The following SMYD4 variants were observed in gnomAD, a reference collection of about 807,000 sequenced individuals.
SMYD4 encodes the protein protein-lysine N-methyltransferase SMYD4.
In SMYD4, 68 loss-of-function variants were observed where a neutral mutation model predicts 72.8. That is an observed-to-expected ratio of 0.93 (90% CI 0.77 to 1.14). SMYD4 has a LOEUF of 1.14. SMYD4 is among the 50% of genes most tolerant of loss of function. SMYD4 has a pLI of 0.00. For missense variants in SMYD4, 984 were observed against 1,003.7 expected (o/e 0.98, Z 0.27); for synonymous variants, 407 against 388.6 (o/e 1.05, Z -0.56).
chr17:1,779,499 CAAAA>C lies in SMYD4; in HGVS notation c.*1783_*1786del, dbSNP rs1567760605. 13 of 152,872 alleles carry C rather than the reference CAAAA, an allele frequency of 8.5e-5. No individual in the cohort carries two copies. Among genetic ancestry groups the C allele is most frequent in the South Asian group, 2.1e-4 (1 of 4,840 alleles). The allele number at this position is 152,872 out of a possible 1,614,324, so 9.5% of individuals were successfully genotyped here. On this transcript the variant is annotated 3_prime_UTR_variant, in exon 11 of 11. Transcript: ENST00000305513. ...ATCTCAAAAACAAAACAAAACAAAA[CAAAA>C]CAAAACAAAACCAACAACTCAGAAG...
chr17:1,795,039 G>A (rs1326099071), intron 5 of SMYD4, among the ~76,000 whole-genome samples: 2 of 152,070 alleles, frequency 1.3e-5, no homozygotes, highest in Non-Finnish European at 2.9e-5. Flanking sequence ...TTTATCCAGG[G>A]TTTCTACATC....
intron 5 of SMYD4, among the ~76,000 whole-genome samples, chr17:1,794,037 G>A (rs56992419): frequency 0.061 from 3,023 of 49,336 alleles, 142 homozygotes; most frequent in African/African-American, 0.11. Flanking sequence ...ATATATATAT[G>A]TATGTATATA....
Position 1,824,545 on chromosome 17 carries a change from T to C in SMYD4, c.134+3316A>G, listed in dbSNP as rs558732756. Among the ~76,000 whole-genome samples, 302 of 152,250 alleles carry C rather than the reference T, an allele frequency of 2.0e-3. 2 individuals carry two copies. The highest frequency in any genetic ancestry group is 6.6e-3 in the African/African-American group (273 of 41,554). ...AGGGACCTGATGGGAGGTAACAGAA[T>C]CGTGGGAGTGGTTTCCCCATGCTGT... On this transcript the variant is annotated intron_variant, in intron 2 of 10. Coordinates refer to ENST00000305513, the MANE Select transcript of SMYD4 (RefSeq NM_052928.3).
intron 5 of SMYD4, among the ~76,000 whole-genome samples, 171 bp downstream of exon 5, chr17:1,799,686 T>A (rs964408371): frequency 1.3e-5 from 2 of 152,094 alleles, no homozygotes; most frequent in African/African-American, 4.8e-5. Flanking sequence ...ATCAAATAAT[T>A]TAAGGTCATA....
In SMYD4 at chr17:1,783,368, G is replaced by C. The variant is rs752754609; in HGVS notation, c.2129C>G (p.Ala710Gly). Residue 710 changes from alanine to glycine, a missense_variant, in exon 9 of 11, where the codon GCT (alanine) becomes GGT (glycine). Physicochemically the swap from Ala to Gly is moderately conservative, Grantham distance 60 (BLOSUM62 0). Coordinates refer to ENST00000305513, the MANE Select transcript of SMYD4 (RefSeq NM_052928.3). ...GAAGGCTCATGCTGTACCTAAGGCA[G>C]CACAGGCCCGGGCCAGGCCATCCGC... is the stretch of plus-strand genomic sequence containing the variant. The part of the protein sequence containing the change: ...EIADGLARAC[A>G]ALGDWQKSAT... 6.2e-7 allele frequency: 1 copy of C among 1,612,324 alleles called. No individual in the cohort carries two copies. The highest frequency in any genetic ancestry group is 1.7e-5 in the Admixed American group (1 of 60,026).
chr17:1,806,071 C>A (rs945804461), intron 3 of SMYD4, among the ~76,000 whole-genome samples: 1 of 151,658 alleles, frequency 6.6e-6, no homozygotes, highest in Non-Finnish European at 1.5e-5. Flanking sequence ...ACTACAGGCG[C>A]CCGCCACCAC....
rs372533255 is a variant in SMYD4, at chr17:1,788,541, C to T, written c.1538-937G>A. Among the ~76,000 whole-genome samples the T allele has an allele frequency of 2.6e-4, 40 of 151,590 alleles. No individual in the cohort carries two copies. In the South Asian group the frequency reaches 6.7e-3, roughly 25 times the overall value. On this transcript the variant is annotated intron_variant, in intron 5 of 10. Transcript: ENST00000305513. ...CGGGCAGATCACAAGGTCAGGAGAT[C>T]GAGACCATCCTGACTAACACGGTGA...
chr17:1,824,080 C>T (rs985893976), intron 2 of SMYD4, among the ~76,000 whole-genome samples: 18 of 152,266 alleles, frequency 1.2e-4, no homozygotes, highest in Admixed American at 7.8e-4. Flanking sequence ...GGGTGGCTCA[C>T]GCCTGTAATT....
chr17:1,789,748 G>A (rs1304443795), intron 5 of SMYD4, among the ~76,000 whole-genome samples: 1 of 104,740 alleles, frequency 9.5e-6, no homozygotes, highest in Non-Finnish European at 2.1e-5. Context: ...CTGGGTGAAA[G>A]AGCGAGACTC....
At chr17:1,803,214 G>A (rs1485114760) in intron 4 of SMYD4, among the ~76,000 whole-genome samples, 1 of 152,180 alleles carries the variant, frequency 6.6e-6, no homozygotes, top group African/African-American at 2.4e-5. Context: ...GCAACAATTA[G>A]GGGATGAGAA....
intron 2 of SMYD4, among the ~76,000 whole-genome samples, chr17:1,817,660 TAC>T (rs1910682466): frequency 6.6e-6 from 1 of 152,200 alleles, no homozygotes. Flanking sequence ...TTTGATAAAG[TAC>T]AGTTTATTTT....
intron 2 of SMYD4, among the ~76,000 whole-genome samples, chr17:1,821,885 C>T (rs201318249): frequency 2.0e-5 from 3 of 151,082 alleles, no homozygotes; most frequent in Non-Finnish European, 4.4e-5. Flanking sequence ...GAGCCCAGAT[C>T]GTGCCATTGC....
chr17:1,823,966 G>A (rs1911028345), intron 2 of SMYD4, among the ~76,000 whole-genome samples: 1 of 152,156 alleles, frequency 6.6e-6, no homozygotes, highest in Non-Finnish European at 1.5e-5. Context: ...TCTCCCTTCA[G>A]ATAGCCTAGT....
At chr17:1,804,485 A>T in intron 4 of SMYD4, 141 bp downstream of exon 4, 1 of 735,984 alleles carries the variant, frequency 1.4e-6, no homozygotes, top group Non-Finnish European at 2.2e-6. Flanking sequence ...CTTTAGGTAG[A>T]TATTAATGTG....
At chr17:1,813,017 C>T (rs1910416643) in intron 2 of SMYD4, among the ~76,000 whole-genome samples, 1 of 151,720 alleles carries the variant, frequency 6.6e-6, no homozygotes, top group Non-Finnish European at 1.5e-5. Context: ...CAGCTCACTG[C>T]AAACTCTGTC....
intron 5 of SMYD4, among the ~76,000 whole-genome samples, chr17:1,797,739 C>T (rs1252945744): frequency 6.6e-6 from 1 of 152,152 alleles, no homozygotes; most frequent in Non-Finnish European, 1.5e-5. Context: ...CGGTGGCTCA[C>T]GCCTGTAATC....
chr17:1,810,663 G>A (rs529434940), intron 3 of SMYD4, among the ~76,000 whole-genome samples: 3 of 152,322 alleles, frequency 2.0e-5, no homozygotes, highest in South Asian at 2.1e-4. Context: ...AAGCACTCCC[G>A]CCTTCGCGCC....
In SMYD4 at chr17:1,816,997, T is replaced by C. The variant is rs1024691251; in HGVS notation, c.135-4882A>G. On this transcript the variant is annotated intron_variant, in intron 2 of 10. Transcript: ENST00000305513. ...CATGATTTGCAAATAGTTTCTCCCA[T>C]TCTGTGGGTTATCCTTTCACTCTCT... is the stretch of plus-strand genomic sequence containing the variant. Among the ~76,000 whole-genome samples, 6 of 152,126 alleles carry C rather than the reference T, an allele frequency of 3.9e-5. No individual in the cohort carries two copies. The East Asian group carries it at 1.2e-3, about 29-fold the overall frequency.
At chr17:1,806,640 T>C (rs1567780041) in intron 3 of SMYD4, among the ~76,000 whole-genome samples, 2 of 152,108 alleles carry the variant, frequency 1.3e-5, no homozygotes, top group Non-Finnish European at 2.9e-5. Context: ...CAAAGCAAAA[T>C]AAAATTGATG....
Sources: allele counts gnomAD v4.1 joint callset (sites outside exome capture counted in the v4.1 genomes callset), GRCh38; gene constraint gnomAD v4.1.1; transcripts MANE v1.5; gene names NCBI Gene and HGNC (gene_info 2026-07-23, HGNC 2026-07-21).